GAB2: variants seen among roughly 807,000 people sequenced by gnomAD.
The protein encoded by GAB2 is GRB2 associated binding protein 2.
Under a neutral mutation model 65.5 loss-of-function variants are expected in GAB2, and 26 were observed. The observed-to-expected ratio is 0.40, with a 90% CI of 0.29 to 0.55. GAB2 has a LOEUF of 0.55. GAB2 is among the 20% of genes least tolerant of loss of function. The probability of loss-of-function intolerance (pLI) is 0.53; values close to 1 mark genes in which losing one functional copy is unlikely to be tolerated. For missense variants in GAB2, 884 were observed against 875.8 expected (o/e 1.01, Z -0.12); for synonymous variants, 321 against 329.6 (o/e 0.97, Z 0.28).
chr11:78,268,147 G>A (rs1590982521), intron 2 of GAB2, among the ~76,000 whole-genome samples: 2 of 152,170 alleles, frequency 1.3e-5, no homozygotes, highest in African/African-American at 4.8e-5. Flanking sequence ...TATACTCAAA[G>A]TGGCTCCCTC....
chr11:78,333,546 G>C (rs905374150), intron 1 of GAB2, among the ~76,000 whole-genome samples: 4 of 152,196 alleles, frequency 2.6e-5, no homozygotes, highest in Admixed American at 2.0e-4. Flanking sequence ...GGGATTACAG[G>C]TGTTAGCCAC....
At chr11:78,349,614 G>T (rs191163030) in intron 1 of GAB2, among the ~76,000 whole-genome samples, 1 of 152,334 alleles carries the variant, frequency 6.6e-6, no homozygotes. Flanking sequence ...CTAGGGACAA[G>T]AAGAGCTGCT....
intron 3 of GAB2, among the ~76,000 whole-genome samples, chr11:78,235,014 C>A (rs1406480016): frequency 1.3e-5 from 2 of 151,950 alleles, no homozygotes; most frequent in African/African-American, 2.4e-5. Flanking sequence ...TTTCTCCTCC[C>A]GGGCCACCGG....
At chr11:78,369,854 T>C (rs1295429419) in intron 1 of GAB2, among the ~76,000 whole-genome samples, 1 of 152,216 alleles carries the variant, frequency 6.6e-6, no homozygotes, top group Non-Finnish European at 1.5e-5. Context: ...CTAAAGGTTA[T>C]CACCAGATGA....
chr11:78,273,987 A>G lies in GAB2; in HGVS notation c.376+6614T>C, dbSNP rs189101395. 9.3e-5 allele frequency among the ~76,000 whole-genome samples: 14 copies of G among 150,704 alleles called. No individual in the cohort carries two copies. The Admixed American group carries it at 9.3e-4, about 10-fold the overall frequency. ...GGCCTCCTCAGTCATGTGGAACTGT[A>G]GGTCTATTAAACCTGTTTTTTTTTT... is the stretch of plus-strand genomic sequence containing the variant. On this transcript the variant is annotated intron_variant, in intron 2 of 9. Transcript: ENST00000361507.
At chr11:78,268,448 G>A (rs1400317427) in intron 2 of GAB2, among the ~76,000 whole-genome samples, 2 of 152,136 alleles carry the variant, frequency 1.3e-5, no homozygotes, top group Admixed American at 1.3e-4. Flanking sequence ...TAAATACAAA[G>A]TTCTAATTCT....
chr11:78,384,223 C>T (rs1316039301), intron 1 of GAB2, among the ~76,000 whole-genome samples: 1 of 152,162 alleles, frequency 6.6e-6, no homozygotes, highest in Non-Finnish European at 1.5e-5. Flanking sequence ...AATGAGAGAG[C>T]TGAAGGCAGA....
chr11:78,392,886 A>G (rs1856851934), intron 1 of GAB2, among the ~76,000 whole-genome samples: 1 of 152,222 alleles, frequency 6.6e-6, no homozygotes, highest in Admixed American at 6.5e-5. Flanking sequence ...AAGTGGAGTT[A>G]ATCACCCTAT....
At chr11:78,320,728 T>C (rs1348107481) in intron 1 of GAB2, among the ~76,000 whole-genome samples, 4 of 3,688 alleles carry the variant, frequency 1.1e-3, no homozygotes, top group African/African-American at 6.2e-3. Flanking sequence ...TTTTTGCCTT[T>C]TTTTTTTTTT....
At chr11:78,398,323 CA>C (rs1856928489) in intron 1 of GAB2, among the ~76,000 whole-genome samples, 1 of 152,178 alleles carries the variant, frequency 6.6e-6, no homozygotes, top group African/African-American at 2.4e-5. Flanking sequence ...ACCTATATGA[CA>C]TGACAGGCCT....
At chr11:78,231,796 A>G (rs752615668) in intron 3 of GAB2, 4 of 152,206 alleles carry the variant, frequency 2.6e-5, no homozygotes, top group Non-Finnish European at 5.9e-5. Context: ...AACCCTAATG[A>G]TGAAGGACTC....
In GAB2 at chr11:78,280,814, T is replaced by C; in HGVS notation, c.163A>G (p.Lys55Glu). The change falls in exon 2 of 10, where the codon AAG (lysine) becomes GAG (glutamate). Residue 55 changes from lysine (K) to glutamate (E), a missense_variant. Coordinates refer to ENST00000361507, the MANE Select transcript of GAB2 (RefSeq NM_080491.3). ...AGGTTGATGATCCGCAGAGGCTTCT[T>C]GGAGTGATCGTTCTTGTAGTATTCC... ...VLEYYKNDHS[K>E]KPLRIINLNF... The C allele has an allele frequency of 6.2e-7, 1 of 1,614,174 alleles. No individual in the cohort carries two copies. The highest frequency in any genetic ancestry group is 8.5e-7 in the Non-Finnish European group (1 of 1,179,956).
intron 1 of GAB2, among the ~76,000 whole-genome samples, chr11:78,346,547 T>C (rs559944432): frequency 1.5e-5 from 2 of 137,674 alleles, no homozygotes; most frequent in Admixed American, 1.4e-4. Context: ...TAAAGCTCCA[T>C]ATTCTTCCCA....
At chr11:78,409,453 G>T (rs1046803865) in intron 1 of GAB2, among the ~76,000 whole-genome samples, 1 of 152,150 alleles carries the variant, frequency 6.6e-6, no homozygotes, top group East Asian at 1.9e-4. Flanking sequence ...GTGTGGTGGC[G>T]CATGCCTGTA....
intron 1 of GAB2, among the ~76,000 whole-genome samples, chr11:78,397,287 T>C (rs1352993614): frequency 2.6e-5 from 4 of 152,216 alleles, no homozygotes; most frequent in Admixed American, 1.3e-4. Context: ...GTAATATTTG[T>C]TCAAAACTTA....
At chr11:78,394,900 A>G (rs1273972422) in intron 1 of GAB2, among the ~76,000 whole-genome samples, 2 of 152,176 alleles carry the variant, frequency 1.3e-5, no homozygotes, top group African/African-American at 4.8e-5. Flanking sequence ...CCCACCCTCC[A>G]AAGAACTCAC....
intron 1 of GAB2, among the ~76,000 whole-genome samples, chr11:78,289,814 C>CTTTTTT (rs56926225): frequency 2.3e-4 from 19 of 83,620 alleles, no homozygotes; most frequent in African/African-American, 2.9e-4. Context: ...AGAACAGGAC[C>CTTTTTT]TTTTTTTTTT....
intron 1 of GAB2, among the ~76,000 whole-genome samples, chr11:78,405,409 A>T (rs1857030954): frequency 1.3e-5 from 2 of 152,146 alleles, no homozygotes; most frequent in Admixed American, 6.6e-5. Flanking sequence ...AAGCACATGG[A>T]TTTTAATGAG....
chr11:78,361,306 T>TA (rs1856431831), intron 1 of GAB2, among the ~76,000 whole-genome samples: 1 of 152,166 alleles, frequency 6.6e-6, no homozygotes, highest in Non-Finnish European at 1.5e-5. Context: ...GTCTATTACC[T>TA]AAAATCCAGA....
Sources: gnomAD v4.1 joint callset for allele counts (sites outside exome capture counted in the v4.1 genomes callset) on GRCh38, gnomAD v4.1.1 for gene constraint, MANE v1.5 for transcripts, NCBI Gene and HGNC (gene_info 2026-07-23, HGNC 2026-07-21) for gene names.